The following TJP2 variants were observed in gnomAD, a reference collection of about 807,000 sequenced individuals.
TJP2 encodes Friedreich ataxia region gene X104 (tight junction protein ZO-2).
Under a neutral mutation model 133.1 loss-of-function variants are expected in TJP2, and 91 were observed. The ratio of observed to expected loss-of-function variants is 0.68; its 90% CI spans 0.58 to 0.81. TJP2 has a LOEUF of 0.81. TJP2 is among the 40% of genes least tolerant of loss of function. TJP2 has a pLI of 0.00. For missense variants in TJP2, 1,541 were observed against 1,565.6 expected (o/e 0.98, Z 0.26); for synonymous variants, 592 against 583.4 (o/e 1.01, Z -0.21).
chr9:69,238,603 G>A lies in TJP2; in HGVS notation c.2276-107G>A, dbSNP rs185152559. The A allele has an allele frequency of 6.7e-5, 58 of 860,962 alleles. No homozygotes were observed. The Middle Eastern group carries it at 2.8e-3, about 42-fold the overall frequency. The allele number at this position is 860,962 out of a possible 1,614,324, so 53.3% of individuals were successfully genotyped here. A position where few individuals can be genotyped will look rare whatever the true frequency, so the allele number is the denominator to read the frequency against. On this transcript the variant is annotated intron_variant, in intron 15 of 22. Transcript: ENST00000377245. The stretch of plus-strand genomic sequence containing the variant: ...GGTCCTTCCCACTGAATCTTGTTAG[G>A]AGACACTTAATGTCAGGTGTGCCAT...
chr9:69,158,103 C>T (rs1040143447), intron 2 of TJP2, among the ~76,000 whole-genome samples: 4 of 151,750 alleles, frequency 2.6e-5, no homozygotes, highest in Non-Finnish European at 5.9e-5. Context: ...CACCTGAGGT[C>T]AGAGTTCCAG....
At chr9:69,154,673 A>G (rs1200554566) in intron 2 of TJP2, among the ~76,000 whole-genome samples, 1 of 151,486 alleles carries the variant, frequency 6.6e-6, no homozygotes, top group African/African-American at 2.4e-5. Flanking sequence ...ACCTATAATC[A>G]TAGCACTTTC....
rs201202451 is a variant in TJP2, at chr9:69,251,119, G to A, written c.3076G>A (p.Glu1026Lys). The A allele has an allele frequency of 2.8e-5, 45 of 1,614,178 alleles. No homozygotes were observed. The East Asian group carries it at 9.6e-4, about 34-fold the overall frequency. ...KSNPSAVAGNETPGASTKGYP... is the reference protein window; with the variant it reads ...KSNPSAVAGNKTPGASTKGYP... ...AAACCCCTCTGCCGTTGCTGGTAATGAAACTCCTGGGGCATCTACCAAAGG... is the reference window on the plus strand; with the variant it reads ...AAACCCCTCTGCCGTTGCTGGTAATAAAACTCCTGGGGCATCTACCAAAGG... The change falls in exon 21 of 23, where the codon GAA (glutamate) becomes AAA (lysine). Residue 1026 changes from glutamate to lysine, a missense_variant. Physicochemically the swap from Glu to Lys is moderately conservative, Grantham distance 56. Coordinates refer to ENST00000377245, the MANE Select transcript of TJP2 (RefSeq NM_004817.4).
At chr9:69,252,987 C>T (rs1390515149) in intron 22 of TJP2, 87 bp downstream of exon 22, 25 of 1,255,438 alleles carry the variant, frequency 2.0e-5, no homozygotes, top group Non-Finnish European at 2.9e-5. Flanking sequence ...ACCCAAATTT[C>T]AGAGTAACAG....
At chr9:69,186,115 A>G (rs1825844724) in intron 1 of TJP2, among the ~76,000 whole-genome samples, 1 of 152,182 alleles carries the variant, frequency 6.6e-6, no homozygotes, top group African/African-American at 2.4e-5. Context: ...AATGTTGGCA[A>G]CAGCCTGTCT....
intron 2 of TJP2, among the ~76,000 whole-genome samples, chr9:69,166,782 A>T (rs896414330): frequency 2.6e-5 from 4 of 152,040 alleles, no homozygotes; most frequent in Admixed American, 6.5e-5. Flanking sequence ...TATATTTTTT[A>T]AAAAATTAGC....
At chr9:69,136,887 CAGG>C (rs970149821) in intron 1 of TJP2, among the ~76,000 whole-genome samples, 1 of 152,094 alleles carries the variant, frequency 6.6e-6, no homozygotes, top group African/African-American at 2.4e-5. Context: ...TGGGAAAGAG[CAGG>C]AGGAGAGGGA....
intron 1 of TJP2, among the ~76,000 whole-genome samples, chr9:69,185,881 CTT>C (rs34030534): frequency 0.017 from 2,355 of 135,424 alleles, 29 homozygotes; most frequent in African/African-American, 0.037. Flanking sequence ...TAATGTAGTC[CTT>C]TTTTTTTTTT....
Position 69,221,166 on chromosome 9 carries a change from G to A in TJP2, c.622G>A (p.Asp208Asn). 6.3e-7 allele frequency: 1 copy of A among 1,597,964 alleles called. No individual in the cohort carries two copies. The highest frequency in any genetic ancestry group is 8.5e-7 in the Non-Finnish European group (1 of 1,172,412). Reference protein sequence around the residue: ...GRSLERGLDQDHARTRDRSRG... With the variant: ...GRSLERGLDQNHARTRDRSRG... ...GAGCCTGGAGCGGGGCCTGGACCAAGACCATGCGCGCACCCGAGACCGCAG... is the reference window on the plus strand; with the variant it reads ...GAGCCTGGAGCGGGGCCTGGACCAAAACCATGCGCGCACCCGAGACCGCAG... The change falls in exon 5 of 23, where the codon GAC (aspartate) becomes AAC (asparagine). Residue 208 changes from aspartate (D) to asparagine (N), a missense_variant. Coordinates refer to ENST00000377245, the MANE Select transcript of TJP2 (RefSeq NM_004817.4).
intron 1 of TJP2, among the ~76,000 whole-genome samples, chr9:69,191,130 C>G (rs1564419700): frequency 8.2e-6 from 1 of 122,402 alleles, no homozygotes; most frequent in Admixed American, 9.6e-5. Flanking sequence ...GATCTGAGCA[C>G]TGACAGACAG....
At chr9:69,238,672 C>T in intron 15 of TJP2, 38 bp from the exon 16 acceptor site, 1 of 1,568,448 alleles carries the variant, frequency 6.4e-7, no homozygotes, top group Non-Finnish European at 8.8e-7. Context: ...TCACTGTTTT[C>T]TAAACAATTA....
At chr9:69,140,135 G>A (rs1298833747) in intron 1 of TJP2, among the ~76,000 whole-genome samples, 1 of 152,174 alleles carries the variant, frequency 6.6e-6, no homozygotes, top group Non-Finnish European at 1.5e-5. Context: ...TGAGAGGGCA[G>A]AATAGGAACA....
intron 1 of TJP2, among the ~76,000 whole-genome samples, chr9:69,194,428 C>T: frequency 6.6e-6 from 1 of 152,010 alleles, no homozygotes; most frequent in East Asian, 1.9e-4. Context: ...TCTGCCATAG[C>T]ATTAGTTATA....
chr9:69,155,212 G>C (rs1179586706), intron 2 of TJP2, among the ~76,000 whole-genome samples: 12 of 120,786 alleles, frequency 9.9e-5, no homozygotes, highest in Non-Finnish European at 1.8e-4. Flanking sequence ...GGGCGAAAGA[G>C]TGAAACTCCA....
intron 1 of TJP2, among the ~76,000 whole-genome samples, chr9:69,140,753 A>G (rs1247763054): frequency 1.3e-5 from 2 of 152,212 alleles, no homozygotes; most frequent in Non-Finnish European, 2.9e-5. Context: ...AGAATCCTAC[A>G]ATTCTAGGCT....
chr9:69,154,106 G>A (rs1823619411), intron 2 of TJP2, among the ~76,000 whole-genome samples: 1 of 152,194 alleles, frequency 6.6e-6, no homozygotes, highest in Non-Finnish European at 1.5e-5. Context: ...GATTTTAAAT[G>A]ATTCCTTTGT....
chr9:69,137,269 CT>C lies in TJP2; in HGVS notation c.-130-14377del, dbSNP rs373311468. On this transcript the variant is annotated intron_variant, in intron 1 of 5. Coordinates refer to the TJP2 transcript ENST00000423935. ...TCTCTCTTTCTTTCTTTCTTTCTTTCTTTTTCTTTCTTTCTTTCTTTCTTTC... is the reference window on the plus strand; with the variant it reads ...TCTCTCTTTCTTTCTTTCTTTCTTTCTTTTCTTTCTTTCTTTCTTTCTTTC... Among the ~76,000 whole-genome samples, 615 of 84,494 alleles carry C rather than the reference CT, an allele frequency of 7.3e-3. 8 individuals are homozygous for C. Among genetic ancestry groups the C allele is most frequent in the African/African-American group, 0.027 (573 of 21,076 alleles). 55.4% of individuals were successfully genotyped at this position (84,494 alleles called of 152,430 possible).
Position 69,209,473 on chromosome 9 carries a change from G to A in TJP2, c.61-3075G>A, listed in dbSNP as rs1040730398. On this transcript the variant is annotated intron_variant, in intron 1 of 22. Coordinates refer to ENST00000377245, the MANE Select transcript of TJP2 (RefSeq NM_004817.4). ...TGTTTCCATTTAAGAAAACTTTTTG[G>A]CCGGGCGTAGTGGCTCACACCTGTA... is the stretch of plus-strand genomic sequence containing the variant. Among the ~76,000 whole-genome samples the A allele has an allele frequency of 5.3e-5, 8 of 152,186 alleles. No individual in the cohort carries two copies. The East Asian group carries it at 1.6e-3, about 30-fold the overall frequency.
chr9:69,191,686 T>C (rs1445698162), intron 1 of TJP2, among the ~76,000 whole-genome samples: 1 of 152,196 alleles, frequency 6.6e-6, no homozygotes, highest in East Asian at 1.9e-4. Context: ...GTTTTCAAAG[T>C]CTGATGTACA....
Sources: allele counts gnomAD v4.1 joint callset (sites outside exome capture counted in the v4.1 genomes callset), GRCh38; gene constraint gnomAD v4.1.1; transcripts MANE v1.5; gene names NCBI Gene and HGNC (gene_info 2026-07-23, HGNC 2026-07-21).